ZFAND3: variants seen among roughly 807,000 people sequenced by gnomAD.
ZFAND3 encodes the protein AN1-type zinc finger protein 3.
Under a neutral mutation model 29.6 loss-of-function variants are expected in ZFAND3, and 10 were observed. That is an observed-to-expected ratio of 0.34 (90% confidence interval 0.21 to 0.57). ZFAND3 has a LOEUF of 0.57. ZFAND3 is among the 20% of genes least tolerant of loss of function. The pLI is 0.86. For synonymous variants in ZFAND3, 128 were observed against 112.6 expected (o/e 1.14, Z -0.87); for missense variants, 230 against 304.5 (o/e 0.76, Z 1.82).
chr6:37,900,836 A>G (rs1765306703), intron 1 of ZFAND3, among the ~76,000 whole-genome samples: 1 of 152,184 alleles, frequency 6.6e-6, no homozygotes, highest in Middle Eastern at 3.2e-3. Context: ...TTGGTGATCA[A>G]TACTAGGAGA....
At chr6:37,832,885 T>C (rs550421766) in intron 1 of ZFAND3, 1 of 152,214 alleles carries the variant, frequency 6.6e-6, no homozygotes, top group East Asian at 1.9e-4. Context: ...TGGGGGTCTG[T>C]CTCTGTTTCT....
At chr6:38,121,041 G>A (rs553038993) in intron 5 of ZFAND3, among the ~76,000 whole-genome samples, 2 of 152,338 alleles carry the variant, frequency 1.3e-5, no homozygotes, top group Admixed American at 6.5e-5. Context: ...AGAGCTTACA[G>A]TCTAAATCTG....
chr6:37,964,167 G>T (rs191639394), intron 2 of ZFAND3, among the ~76,000 whole-genome samples: 1 of 152,190 alleles, frequency 6.6e-6, no homozygotes, highest in Admixed American at 6.5e-5. Context: ...CTGGACTATT[G>T]CTGTCTTTTC....
intron 1 of ZFAND3, among the ~76,000 whole-genome samples, chr6:37,918,628 C>T (rs1761309417): frequency 6.6e-6 from 1 of 152,072 alleles, no homozygotes; most frequent in African/African-American, 2.4e-5. Context: ...TAAATCAGAG[C>T]CTCTCTCTGT....
intron 5 of ZFAND3, among the ~76,000 whole-genome samples, chr6:38,135,232 G>C (rs765821319): frequency 3.3e-5 from 5 of 152,240 alleles, no homozygotes; most frequent in Admixed American, 6.5e-5. Context: ...GCACACTTCA[G>C]ATCTGGATAG....
intron 4 of ZFAND3, among the ~76,000 whole-genome samples, chr6:38,102,665 A>G (rs1323230384): frequency 6.6e-6 from 1 of 152,210 alleles, no homozygotes; most frequent in Non-Finnish European, 1.5e-5. Context: ...CAAAAGTTGT[A>G]TAATTTTATA....
chr6:37,912,160 A>C (rs1765535390), intron 1 of ZFAND3, among the ~76,000 whole-genome samples: 1 of 151,712 alleles, frequency 6.6e-6, no homozygotes, highest in Non-Finnish European at 1.5e-5. Context: ...ATCCTCTGAG[A>C]ACAATTACCT....
In ZFAND3 at chr6:38,153,405, T is replaced by C; in HGVS notation, c.*1016T>C. ...TCCAGGGGCCAAGAGGATGATGTCG[T>C]GGCCTCCATTCTCGTTTCTATGCAG... On this transcript the variant is annotated 3_prime_UTR_variant, in exon 6 of 6. Coordinates refer to ENST00000287218, the MANE Select transcript of ZFAND3 (RefSeq NM_021943.3). 1 of 985,490 alleles carries C rather than the reference T, an allele frequency of 1.0e-6. No individual in the cohort carries two copies. The highest frequency in any genetic ancestry group is 4.7e-5 in the South Asian group (1 of 21,290). The allele number at this position is 985,490 out of a possible 1,614,324, so 61.0% of individuals were successfully genotyped here.
chr6:37,843,857 A>G (rs1236967675), intron 1 of ZFAND3, among the ~76,000 whole-genome samples: 5 of 151,606 alleles, frequency 3.3e-5, no homozygotes, highest in African/African-American at 4.8e-5. Flanking sequence ...TAATTTGAAC[A>G]TATTCTCAAA....
At chr6:38,142,246 C>G in intron 5 of ZFAND3, 1 of 471,418 alleles carries the variant, frequency 2.1e-6, no homozygotes, top group South Asian at 1.5e-5. Context: ...GAAAATGTTC[C>G]TTTCTTTTCC....
chr6:37,965,437 GT>G (rs1762275963), intron 2 of ZFAND3, among the ~76,000 whole-genome samples: 1 of 152,092 alleles, frequency 6.6e-6, no homozygotes, highest in South Asian at 2.1e-4. Context: ...TTTCTATAAG[GT>G]TAATAGCGAG....
chr6:38,111,521 G>GC (rs926882199), intron 4 of ZFAND3, among the ~76,000 whole-genome samples: 1 of 152,122 alleles, frequency 6.6e-6, no homozygotes, highest in Non-Finnish European at 1.5e-5. Flanking sequence ...TGCAAGACCA[G>GC]CCCCCCACTC....
chr6:38,049,930 T>G (rs1381029716), intron 2 of ZFAND3, among the ~76,000 whole-genome samples: 2 of 95,988 alleles, frequency 2.1e-5, no homozygotes, highest in African/African-American at 8.0e-5. Flanking sequence ...TTCACCACTT[T>G]TGAGTAGGCA....
intron 2 of ZFAND3, among the ~76,000 whole-genome samples, chr6:37,931,375 T>G (rs901971266): frequency 1.3e-5 from 2 of 152,042 alleles, no homozygotes; most frequent in Non-Finnish European, 2.9e-5. Flanking sequence ...CTTGAGCTGT[T>G]AGAAATGTTA....
chr6:37,853,069 A>G (rs1438441514), intron 1 of ZFAND3, among the ~76,000 whole-genome samples: 3 of 152,150 alleles, frequency 2.0e-5, no homozygotes, highest in Non-Finnish European at 2.9e-5. Context: ...AATAATGTCT[A>G]TTTTGATGTG....
intron 2 of ZFAND3, among the ~76,000 whole-genome samples, chr6:37,997,875 C>G (rs966769500): frequency 1.3e-5 from 2 of 152,170 alleles, no homozygotes; most frequent in East Asian, 1.9e-4. Flanking sequence ...TGGGCAGATG[C>G]ACCAGTTTGG....
At chr6:37,969,540 G>GA (rs1432843736) in intron 2 of ZFAND3, among the ~76,000 whole-genome samples, 2 of 152,142 alleles carry the variant, frequency 1.3e-5, no homozygotes, top group African/African-American at 2.4e-5. Context: ...GTACCAAAGT[G>GA]AAAAACAAAA....
At chr6:37,976,364 T>C (rs1389844960) in intron 2 of ZFAND3, among the ~76,000 whole-genome samples, 3 of 152,026 alleles carry the variant, frequency 2.0e-5, no homozygotes, top group Non-Finnish European at 4.4e-5. Context: ...GGTGGGTCAG[T>C]TGAGGTCAGG....
chr6:37,927,660 G>A (rs1046781544), intron 1 of ZFAND3, among the ~76,000 whole-genome samples: 1 of 152,206 alleles, frequency 6.6e-6, no homozygotes, highest in African/African-American at 2.4e-5. Flanking sequence ...GGAATCTTGG[G>A]TTGTTTTCCT....
Sources: gnomAD v4.1 joint callset for allele counts (sites outside exome capture counted in the v4.1 genomes callset) on GRCh38, gnomAD v4.1.1 for gene constraint, MANE v1.5 for transcripts, NCBI Gene and HGNC (gene_info 2026-07-23, HGNC 2026-07-21) for gene names.